Variants in DCAF6 observed in about 807,000 individuals in gnomAD.
The protein encoded by DCAF6 is DDB1- and CUL4-associated factor 6.
Under a neutral mutation model 125.1 loss-of-function variants are expected in DCAF6, and 54 were observed. That is an observed-to-expected ratio of 0.43 (90% CI 0.35 to 0.54). The LOEUF (loss-of-function observed/expected upper bound fraction) is 0.54. DCAF6 is among the 20% of genes least tolerant of loss of function. The pLI is 0.01. For synonymous variants in DCAF6, 371 were observed against 390.4 expected (o/e 0.95, Z 0.58); for missense variants, 934 against 1,161.7 (o/e 0.80, Z 2.85).
chr1:167,992,487 C>T (rs1306212363), intron 6 of DCAF6, among the ~76,000 whole-genome samples: 2 of 152,034 alleles, frequency 1.3e-5, no homozygotes, highest in Non-Finnish European at 2.9e-5. Flanking sequence ...TTGAGGAGTC[C>T]AGTCTATTTG....
At position 168,055,336 on chromosome 1, in the gene DCAF6, T is replaced by TG. The variant is rs1553249380; in HGVS notation, c.2300+4403_2300+4404insG. 3.3e-4 allele frequency among the ~76,000 whole-genome samples: 5 copies of TG among 15,072 alleles called. No individual in the cohort carries two copies. In the East Asian group the frequency reaches 4.7e-3, roughly 14 times the overall value. The allele number at this position is 15,072 out of a possible 152,430, so 9.9% of individuals were successfully genotyped here. ...TTGAAAAAAATCAGGCTTAAGTTTT[T>TG]TTTTTTTTTTTTTTTTTTTTTTTTA... On this transcript the variant is annotated intron_variant, in intron 17 of 21. Transcript: ENST00000367840.
rs756243690 is a variant in DCAF6 at position 168,061,868 on chromosome 1, A to T, written c.2301-1753A>T. ...GTTTGAGAGTATCTATTAAAGCAGA[A>T]CATTATGCACATACTGAGGTCTAGC... is the stretch of plus-strand genomic sequence containing the variant. On this transcript the variant is annotated intron_variant, in intron 17 of 21. Transcript: ENST00000367840. 7.6e-4 allele frequency among the ~76,000 whole-genome samples: 115 copies of T among 152,214 alleles called. 1 individual carries two copies. Among genetic ancestry groups the T allele is most frequent in the Non-Finnish European group, 1.5e-3 (99 of 67,964 alleles).
intron 17 of DCAF6, among the ~76,000 whole-genome samples, chr1:168,057,090 GT>G (rs998884342): frequency 2.0e-5 from 3 of 151,974 alleles, no homozygotes; most frequent in Non-Finnish European, 4.4e-5. Flanking sequence ...TGATTATGCT[GT>G]TTTTTCCACC....
At chr1:167,874,094 G>A in the DCAF6 span, among the ~76,000 whole-genome samples, 1 of 152,218 alleles carries the variant, frequency 6.6e-6, no homozygotes, top group African/African-American at 2.4e-5. Context: ...CACTTTGGGA[G>A]GCTGGGGCAA....
intron 17 of DCAF6, among the ~76,000 whole-genome samples, chr1:168,053,069 C>T (rs1325105359): frequency 6.6e-6 from 1 of 152,138 alleles, no homozygotes; most frequent in East Asian, 1.9e-4. Context: ...TCTTTACATA[C>T]TCTGAGCCCT....
intron 21 of DCAF6, among the ~76,000 whole-genome samples, chr1:168,075,030 T>G (rs1323643041): frequency 2.0e-5 from 3 of 152,226 alleles, no homozygotes; most frequent in Non-Finnish European, 4.4e-5. Flanking sequence ...ACATATTTTC[T>G]CTCACACAGC....
upstream of DCAF6, among the ~76,000 whole-genome samples, chr1:167,935,201 A>C (rs1366734772): frequency 6.6e-6 from 1 of 152,148 alleles, no homozygotes; most frequent in Non-Finnish European, 1.5e-5. Context: ...AACACACTGG[A>C]CCTATGGGAT....
At chr1:167,899,692 T>G in the DCAF6 span, 1 of 1,525,076 alleles carries the variant, frequency 6.6e-7, no homozygotes. Flanking sequence ...GCAGCACAGG[T>G]TTTTGGAAAA....
intron 7 of DCAF6, among the ~76,000 whole-genome samples, chr1:167,999,346 T>C (rs980712076): frequency 6.6e-6 from 1 of 152,162 alleles, no homozygotes; most frequent in African/African-American, 2.4e-5. Flanking sequence ...ATTTTCAGAA[T>C]GGTAAATGAG....
At chr1:167,924,538 C>T in the DCAF6 span, 1 of 1,524,980 alleles carries the variant, frequency 6.6e-7, no homozygotes, top group Non-Finnish European at 8.8e-7. Flanking sequence ...GTTCTGGGAC[C>T]TGAAAAAAAA....
Position 168,011,026 on chromosome 1 carries a change from C to T in DCAF6, c.1379-4755C>T, listed in dbSNP as rs112751562. On this transcript the variant is annotated intron_variant, in intron 10 of 21. Coordinates refer to ENST00000367840, the MANE Select transcript of DCAF6 (RefSeq NM_001198956.2). Reference sequence around the variant, plus strand: ...GGGATATCAGTATATATAAAATTCACCTTTAGGGCTCATATTGAGAAGTGA... The same window carrying T: ...GGGATATCAGTATATATAAAATTCATCTTTAGGGCTCATATTGAGAAGTGA... 2.9e-3 allele frequency among the ~76,000 whole-genome samples: 444 copies of T among 151,920 alleles called. 1 individual carries two copies. Among genetic ancestry groups the T allele is most frequent in the African/African-American group, 0.01 (422 of 41,416 alleles).
rs1282807458 is a variant in DCAF6, at chr1:168,044,975, C to T, written c.2006C>T (p.Ser669Phe). ...AGAAATGACCTCAATCTTGATCGCT[C>T]TTGTGGGGTTCCAGAAGAATCTGCT... Reference protein sequence around the residue: ...GERNDLNLDRSCGVPEESASS... With the variant: ...GERNDLNLDRFCGVPEESASS... Residue 669 changes from serine (S) to phenylalanine (F), a missense_variant, in exon 16 of 22, where the codon TCT (serine) becomes TTT (phenylalanine). Ser to Phe is a radical substitution (Grantham distance 155). Coordinates refer to ENST00000367840, the MANE Select transcript of DCAF6 (RefSeq NM_001198956.2). 2 of 1,614,116 alleles carry T rather than the reference C, an allele frequency of 1.2e-6. No homozygotes were observed. Among genetic ancestry groups the T allele is most frequent in the South Asian group, 1.1e-5 (1 of 91,088 alleles).
chr1:167,923,458 C>T, the DCAF6 span, among the ~76,000 whole-genome samples: 3 of 152,114 alleles, frequency 2.0e-5, no homozygotes, highest in Admixed American at 6.5e-5. Flanking sequence ...AAGACAAATA[C>T]ATTTTGATTC....
upstream of DCAF6, among the ~76,000 whole-genome samples, chr1:167,932,110 C>T (rs1042214231): frequency 3.9e-5 from 6 of 152,070 alleles, no homozygotes; most frequent in African/African-American, 1.4e-4. Flanking sequence ...AGCTATAATG[C>T]GTTAAAATGA....
chr1:167,872,269 C>T, the DCAF6 span, among the ~76,000 whole-genome samples: 2 of 151,580 alleles, frequency 1.3e-5, no homozygotes, highest in African/African-American at 2.4e-5. Context: ...ACCTGGGAGG[C>T]GGAGGTTACA....
chr1:167,896,288 G>C, the DCAF6 span, among the ~76,000 whole-genome samples: 2 of 152,222 alleles, frequency 1.3e-5, no homozygotes, highest in Non-Finnish European at 2.9e-5. Context: ...AAGTTTATTG[G>C]TGAAGGTTAG....
At chr1:167,996,431 T>C (rs1356171769) in intron 7 of DCAF6, among the ~76,000 whole-genome samples, 1 of 152,192 alleles carries the variant, frequency 6.6e-6, no homozygotes, top group Non-Finnish European at 1.5e-5. Context: ...CCACCCTTGC[T>C]GCATTACCAC....
chr1:167,959,116 A>G (rs1675203211), intron 2 of DCAF6, among the ~76,000 whole-genome samples: 1 of 152,234 alleles, frequency 6.6e-6, no homozygotes, highest in Non-Finnish European at 1.5e-5. Flanking sequence ...AGAATGTCAT[A>G]TAATTGGAAT....
Position 167,936,866 on chromosome 1 carries a change from CT to C in DCAF6, c.-45del. ...ACGGGTGTCCCCTCCCCCTCCTCCC[CT>C]CCCCCACGCGGTGGTCTCCCCTCCC... On this transcript the variant is annotated 5_prime_UTR_variant, in exon 1 of 22. Transcript: ENST00000367840. The C allele has an allele frequency of 1.3e-6, 2 of 1,486,340 alleles. No homozygotes were observed. The highest frequency in any genetic ancestry group is 1.8e-6 in the Non-Finnish European group (2 of 1,088,900). 92.1% of individuals were successfully genotyped at this position (1,486,340 alleles called of 1,614,324 possible).
Sources: gnomAD v4.1 joint callset for allele counts (sites outside exome capture counted in the v4.1 genomes callset) on GRCh38, gnomAD v4.1.1 for gene constraint, MANE v1.5 for transcripts, NCBI Gene and HGNC (gene_info 2026-07-23, HGNC 2026-07-21) for gene names.